COL25A1: variants seen among roughly 807,000 people sequenced by gnomAD.
COL25A1 encodes collagen alpha-1(XXV) chain.
COL25A1 carries 103 observed loss-of-function variants against 128.4 expected under a neutral mutation model. That is an observed-to-expected ratio of 0.80 (90% CI 0.68 to 0.94). COL25A1 has a LOEUF of 0.94. Among genes scored for constraint, COL25A1 ranks in the 40% least tolerant of loss-of-function variants. The probability of loss-of-function intolerance (pLI) is 0.00; values close to 1 mark genes in which losing one functional copy is unlikely to be tolerated. For missense variants in COL25A1, 745 were observed against 840.0 expected (o/e 0.89, Z 1.40); for synonymous variants, 279 against 277.2 (o/e 1.01, Z -0.06).
chr4:109,014,805 G>A (rs75038714), intron 5 of COL25A1, among the ~76,000 whole-genome samples: 1 of 152,174 alleles, frequency 6.6e-6, no homozygotes, highest in African/African-American at 2.4e-5. Context: ...GGTTGATAGA[G>A]ACGCTTCCCA....
intron 3 of COL25A1, among the ~76,000 whole-genome samples, chr4:109,058,474 A>G (rs1398027014): frequency 6.6e-6 from 1 of 152,232 alleles, no homozygotes; most frequent in East Asian, 1.9e-4. Flanking sequence ...TGCAGATTAT[A>G]TGTTTCTAAT....
chr4:108,824,366 T>C (rs1027368741), intron 34 of COL25A1, 139 bp from the exon 35 acceptor site: 1 of 627,608 alleles, frequency 1.6e-6, no homozygotes, highest in Non-Finnish European at 2.8e-6. Flanking sequence ...ACTTAGATAA[T>C]AAAGCAGTGC....
intron 37 of COL25A1, among the ~76,000 whole-genome samples, chr4:108,816,576 A>T (rs1421050854): frequency 6.6e-6 from 1 of 152,144 alleles, no homozygotes; most frequent in Non-Finnish European, 1.5e-5. Flanking sequence ...ATAGCACAGC[A>T]CATATGGATG....
chr4:109,153,313 A>G (rs189277787), intron 3 of COL25A1, among the ~76,000 whole-genome samples: 11 of 150,212 alleles, frequency 7.3e-5, no homozygotes, highest in African/African-American at 2.4e-4. Context: ...CCCGGGAGGC[A>G]GAGGTTGTGG....
At chr4:108,909,588 G>T (rs536970143) in intron 13 of COL25A1, among the ~76,000 whole-genome samples, 11 of 152,270 alleles carry the variant, frequency 7.2e-5, no homozygotes, top group African/African-American at 2.4e-4. Flanking sequence ...TTTTCATATT[G>T]TTCATGTAGA....
chr4:109,171,197 C>T (rs943416475), intron 3 of COL25A1, among the ~76,000 whole-genome samples: 1 of 152,108 alleles, frequency 6.6e-6, no homozygotes. Context: ...CAGAGGCATG[C>T]CAACTGAGAG....
chr4:108,923,958 C>G (rs778443977), intron 11 of COL25A1, among the ~76,000 whole-genome samples: 3 of 152,084 alleles, frequency 2.0e-5, no homozygotes, highest in Non-Finnish European at 4.4e-5. Flanking sequence ...TGAAAATAAT[C>G]TAGTTTTATT....
At chr4:109,091,300 C>A in intron 3 of COL25A1, among the ~76,000 whole-genome samples, 1 of 152,160 alleles carries the variant, frequency 6.6e-6, no homozygotes, top group East Asian at 1.9e-4. Flanking sequence ...CTCACGAATA[C>A]CCTCTTCTCC....
intron 3 of COL25A1, among the ~76,000 whole-genome samples, chr4:109,244,801 G>A (rs1226628998): frequency 6.6e-6 from 1 of 152,114 alleles, no homozygotes; most frequent in Non-Finnish European, 1.5e-5. Context: ...TGAAGGGCAT[G>A]AAGCAAATCT....
chr4:109,258,571 AT>A (rs1177850901), intron 3 of COL25A1, among the ~76,000 whole-genome samples: 1 of 152,220 alleles, frequency 6.6e-6, no homozygotes, highest in Non-Finnish European at 1.5e-5. Flanking sequence ...TCATTGTTAC[AT>A]TATTAAGTTT....
chr4:108,859,844 A>G, intron 23 of COL25A1, 111 bp from the exon 24 acceptor site: 3 of 697,866 alleles, frequency 4.3e-6, no homozygotes, highest in Non-Finnish European at 7.5e-6. Context: ...TCATTTCCCT[A>G]CTAAGGCCCA....
At chr4:109,072,820 C>T (rs752595263) in intron 3 of COL25A1, among the ~76,000 whole-genome samples, 6 of 152,176 alleles carry the variant, frequency 3.9e-5, no homozygotes, top group Non-Finnish European at 7.3e-5. Flanking sequence ...CTATTCCTTG[C>T]CCAGATGTGT....
rs59808521 is a variant in COL25A1 at position 108,943,249 on chromosome 4, A to G, written c.493-1812T>C. ...GTACAAAATGGAGATAACTATAGAC[A>G]CTGTTACGAAAACCACACTGTAATT... On this transcript the variant is annotated intron_variant, in intron 8 of 37. Coordinates refer to ENST00000399132, the MANE Select transcript of COL25A1 (RefSeq NM_198721.4). 8.8e-4 allele frequency among the ~76,000 whole-genome samples: 134 copies of G among 152,350 alleles called. No homozygotes were observed. The East Asian group carries it at 0.018, about 21-fold the overall frequency.
intron 18 of COL25A1, among the ~76,000 whole-genome samples, chr4:108,888,920 T>C (rs189949845): frequency 1.3e-5 from 2 of 152,338 alleles, no homozygotes; most frequent in African/African-American, 4.8e-5. Context: ...CAGATTACCA[T>C]GAAGCATGCA....
In COL25A1 at chr4:108,848,741, T is replaced by C; in HGVS notation, c.1434+18A>G. 6.6e-7 allele frequency: 1 copy of C among 1,515,306 alleles called. No individual in the cohort carries two copies. The highest frequency in any genetic ancestry group is 9.2e-7 in the Non-Finnish European group (1 of 1,090,116). The allele number at this position is 1,515,306 out of a possible 1,614,324, so 93.9% of individuals were successfully genotyped here. A position where few individuals can be genotyped will look rare whatever the true frequency, so the allele number is the denominator to read the frequency against. On this transcript the variant is annotated intron_variant, in intron 27 of 37. Transcript: ENST00000399132. ...AAGAATGATGCTTTAAATAATAGTATACATCTTTGAAAATTACCTGCTCTC... is the reference window on the plus strand; with the variant it reads ...AAGAATGATGCTTTAAATAATAGTACACATCTTTGAAAATTACCTGCTCTC...
At chr4:108,835,740 A>G (rs1473895830) in intron 31 of COL25A1, among the ~76,000 whole-genome samples, 7 of 150,674 alleles carry the variant, frequency 4.6e-5, no homozygotes, top group African/African-American at 1.5e-4. Flanking sequence ...TTTAGTAGAG[A>G]CAGGGTTTCA....
At chr4:108,830,281 A>C (rs989381918) in intron 32 of COL25A1, among the ~76,000 whole-genome samples, 1 of 152,228 alleles carries the variant, frequency 6.6e-6, no homozygotes, top group Non-Finnish European at 1.5e-5. Flanking sequence ...GGAGGATCAG[A>C]TGCTTGCAGA....
chr4:109,212,373 A>G (rs1331271552), intron 3 of COL25A1, among the ~76,000 whole-genome samples: 2 of 152,138 alleles, frequency 1.3e-5, no homozygotes, highest in Non-Finnish European at 2.9e-5. Context: ...CCACCTACAC[A>G]TAGACTCTCT....
At chr4:109,221,323 T>G (rs1560891228) in intron 3 of COL25A1, among the ~76,000 whole-genome samples, 1 of 152,018 alleles carries the variant, frequency 6.6e-6, no homozygotes, top group Non-Finnish European at 1.5e-5. Context: ...TAAATCAGAG[T>G]AGAATGAAAA....
Sources: gnomAD v4.1 joint callset for allele counts (sites outside exome capture counted in the v4.1 genomes callset) on GRCh38, gnomAD v4.1.1 for gene constraint, MANE v1.5 for transcripts, NCBI Gene and HGNC (gene_info 2026-07-23, HGNC 2026-07-21) for gene names.